Variants in KDM6A observed in about 807,000 individuals in gnomAD.
KDM6A encodes lysine-specific demethylase 6A.
A neutral mutation model predicts 117.6 loss-of-function variants in KDM6A; 11 were observed. The ratio of observed to expected loss-of-function variants is 0.09; its 90% CI spans 0.06 to 0.15. The LOEUF is 0.15. KDM6A is among the 10% of genes least tolerant of loss of function. The pLI is 1.00. For missense variants in KDM6A, 799 were observed against 1,077.3 expected (o/e 0.74, Z 3.62); for synonymous variants, 384 against 396.1 (o/e 0.97, Z 0.36).
At chrX:45,043,161 A>G (rs2043362898) in intron 8 of KDM6A, among the ~76,000 whole-genome samples, 1 of 111,070 alleles carries the variant, frequency 9.0e-6, no homozygotes, top group South Asian at 3.8e-4. Context: ...ATGGTGGTGC[A>G]TGCCTGTAGT....
Position 45,063,469 on chromosome X carries a change from T to C in KDM6A, c.1731T>C (p.Asn577=), listed in dbSNP as rs1417819029. 2 of 1,209,513 alleles carry C rather than the reference T, an allele frequency of 1.7e-6. No individual in the cohort carries two copies. Among genetic ancestry groups the C allele is most frequent in the South Asian group, 3.5e-5 (2 of 56,959 alleles). ...AGGTACGATCTACTGGAATTCCTAA[T>C]GGGCCAACAGCTGACTCATCACTGC... ...VAQVRSTGIP[N]GPTADSSLPT... The change falls in exon 17 of 30, where the codon AAT becomes AAC. Residue 577 remains asparagine (N), a synonymous_variant. Transcript: ENST00000611820.
chrX:45,045,588 GAAAAA>G (rs569636939), intron 8 of KDM6A, among the ~76,000 whole-genome samples: 6 of 35,672 alleles, frequency 1.7e-4, no homozygotes, highest in African/African-American at 3.6e-4. Flanking sequence ...TCTGTCTCAA[GAAAAA>G]AAAAAAAAAA....
chrX:45,048,278 ATAAT>A (rs1488529689), intron 8 of KDM6A, among the ~76,000 whole-genome samples: 4 of 110,752 alleles, frequency 3.6e-5, no homozygotes, highest in African/African-American at 1.3e-4. Flanking sequence ...CATAAGTTTA[ATAAT>A]TTTTATCCTG....
chrX:45,056,185 T>G (rs750117372), intron 10 of KDM6A, among the ~76,000 whole-genome samples: 2 of 111,867 alleles, frequency 1.8e-5, no homozygotes, highest in South Asian at 7.4e-4. Flanking sequence ...GACATATTAT[T>G]TTCCATCTGT....
At chrX:44,962,245 G>A (rs1013872679) in intron 3 of KDM6A, among the ~76,000 whole-genome samples, 4 of 112,199 alleles carry the variant, frequency 3.6e-5, no homozygotes, top group Non-Finnish European at 5.6e-5. Context: ...GTTAGGTCAA[G>A]TGAATGTTTT....
Position 45,076,582 on chromosome X carries a change from A to G in KDM6A, c.2859-115A>G, listed in dbSNP as rs183777617. ...CTGATGGATCCACATCCCACATCTCATGGACTTGTGCAAATGCCTAGTAAT... is the reference window on the plus strand; with the variant it reads ...CTGATGGATCCACATCCCACATCTCGTGGACTTGTGCAAATGCCTAGTAAT... On this transcript the variant is annotated intron_variant, in intron 18 of 29. Coordinates refer to ENST00000611820, the MANE Select transcript of KDM6A (RefSeq NM_001291415.2). The G allele has an allele frequency of 7.1e-4, 375 of 531,685 alleles. 2 individuals carry two copies. The African/African-American group carries it at 8.0e-3, about 11-fold the overall frequency. 43.8% of individuals were successfully genotyped at this position (531,685 alleles called of 1,213,427 possible).
chrX:44,963,463 G>GTA (rs1307240667), intron 3 of KDM6A, among the ~76,000 whole-genome samples: 4 of 29,673 alleles, frequency 1.3e-4, no homozygotes, highest in Non-Finnish European at 2.3e-4. Flanking sequence ...GTGTGTGTGT[G>GTA]TGTGTGTGTG....
At chrX:44,993,399 G>A (rs1056947716) in intron 4 of KDM6A, among the ~76,000 whole-genome samples, 49 of 109,984 alleles carry the variant, frequency 4.5e-4, no homozygotes, top group Non-Finnish European at 7.8e-4. Flanking sequence ...TATTTGAGAT[G>A]AGGTCTTACT....
chrX:45,030,706 T>G (rs1015848431), intron 6 of KDM6A, among the ~76,000 whole-genome samples: 15 of 111,536 alleles, frequency 1.3e-4, no homozygotes, highest in African/African-American at 4.6e-4. Flanking sequence ...ATTTTATTTT[T>G]TAATATTAAT....
intron 27 of KDM6A, 31 bp downstream of exon 27, chrX:45,090,895 T>C (rs1230533011): frequency 8.3e-7 from 1 of 1,199,683 alleles, no homozygotes; most frequent in Non-Finnish European, 1.1e-6. Context: ...CTGTAGTCCC[T>C]CTCTTTTTGG....
At chrX:44,970,215 T>A (rs1394011395) in intron 3 of KDM6A, among the ~76,000 whole-genome samples, 3 of 111,699 alleles carry the variant, frequency 2.7e-5, no homozygotes, top group Non-Finnish European at 3.8e-5. Context: ...ATGGAAGAAA[T>A]GGAACAAATG....
intron 21 of KDM6A, among the ~76,000 whole-genome samples, chrX:45,081,305 A>G (rs983562814): frequency 8.9e-6 from 1 of 112,213 alleles, no homozygotes; most frequent in African/African-American, 3.2e-5. Flanking sequence ...TTCAGACACT[A>G]TACATTTAAA....
At chrX:44,974,745 G>T in intron 4 of KDM6A, 30 bp downstream of exon 4, 3 of 1,111,932 alleles carry the variant, frequency 2.7e-6, no homozygotes, top group Non-Finnish European at 3.7e-6. Context: ...CTGATTTCAT[G>T]TTTGTGTTTT....
intron 6 of KDM6A, among the ~76,000 whole-genome samples, chrX:45,031,084 C>T (rs886197134): frequency 9.8e-5 from 11 of 112,261 alleles, no homozygotes; most frequent in African/African-American, 3.6e-4. Context: ...ACCTGGCACA[C>T]CTTTCCTTTT....
At position 44,961,526 on chromosome X, in the gene KDM6A, G is replaced by C. The variant is rs763751224; in HGVS notation, c.334+134G>C. ...CTAAACAATGAGGAAGAAAAGTAGA[G>C]TAGATGGAAATGGAAATCATCAATA... On this transcript the variant is annotated intron_variant, in intron 3 of 29. Coordinates refer to ENST00000611820, the MANE Select transcript of KDM6A (RefSeq NM_001291415.2). The C allele has an allele frequency of 1.1e-4, 49 of 452,039 alleles. No individual in the cohort carries two copies. The East Asian group carries it at 1.9e-3, about 18-fold the overall frequency. 37.3% of individuals were successfully genotyped at this position (452,039 alleles called of 1,213,427 possible).
In KDM6A at chrX:45,081,086, C is replaced by G. The variant is rs761202743; in HGVS notation, c.3301-1490C>G. Reference sequence around the variant, plus strand: ...TAGCCGGGATTACAGGCATGTGCCACCACACCCAGCTAATTTTGTATTTGT... The same window carrying G: ...TAGCCGGGATTACAGGCATGTGCCAGCACACCCAGCTAATTTTGTATTTGT... On this transcript the variant is annotated intron_variant, in intron 21 of 29. Transcript: ENST00000611820. Among the ~76,000 whole-genome samples the G allele has an allele frequency of 1.6e-4, 18 of 111,804 alleles. No individual in the cohort carries two copies. In the South Asian group the frequency reaches 6.9e-3, roughly 43 times the overall value.
intron 2 of KDM6A, among the ~76,000 whole-genome samples, chrX:44,912,933 A>T (rs145630665): frequency 8.9e-6 from 1 of 112,417 alleles, no homozygotes; most frequent in African/African-American, 3.2e-5. Context: ...TTGCAATGTT[A>T]TCTGCCCTCA....
chrX:45,070,709 T>G (rs1253513464), intron 18 of KDM6A, among the ~76,000 whole-genome samples: 4 of 96,000 alleles, frequency 4.2e-5, no homozygotes, highest in Admixed American at 1.1e-4. Context: ...ACCCTATGGG[T>G]TTTTTTTTTT....
chrX:45,003,355 G>C (rs1318572416), intron 4 of KDM6A, among the ~76,000 whole-genome samples: 1 of 107,056 alleles, frequency 9.3e-6, no homozygotes, highest in Non-Finnish European at 1.9e-5. Flanking sequence ...AACCTGCTGG[G>C]TTAAGGGAAT....
Sources: allele counts gnomAD v4.1 joint callset (sites outside exome capture counted in the v4.1 genomes callset), GRCh38; gene constraint gnomAD v4.1.1; transcripts MANE v1.5; gene names NCBI Gene and HGNC (gene_info 2026-07-23, HGNC 2026-07-21).